EIF2B1: variants seen among roughly 807,000 people sequenced by gnomAD.
EIF2B1 encodes eukaryotic translation initiation factor 2B subunit alpha.
A neutral mutation model predicts 36.8 loss-of-function variants in EIF2B1; 30 were observed. The observed-to-expected ratio is 0.81, with a 90% confidence interval of 0.61 to 1.10. The LOEUF is 1.10. EIF2B1 is among the 50% of genes least tolerant of loss of function. The pLI is 0.00. For synonymous variants in EIF2B1, 139 were observed against 142.2 expected (o/e 0.98, Z 0.16); for missense variants, 271 against 374.8 (o/e 0.72, Z 2.29).
At chr12:123,626,601 T>TA (rs1955150703) in intron 5 of EIF2B1, 108 bp from the exon 6 acceptor site, 1 of 1,256,034 alleles carries the variant, frequency 8.0e-7, no homozygotes, top group East Asian at 2.4e-5. Flanking sequence ...ACATTAATAC[T>TA]AATGGGTTAA....
chr12:123,624,171 A>G (rs1273176073), intron 7 of EIF2B1, among the ~76,000 whole-genome samples: 2 of 150,772 alleles, frequency 1.3e-5, no homozygotes, highest in Non-Finnish European at 3.0e-5. Flanking sequence ...TGCATAAATA[A>G]AACATACATA....
chr12:123,633,427 C>G, intron 1 of EIF2B1, 118 bp downstream of exon 1: 1 of 1,474,438 alleles, frequency 6.8e-7, no homozygotes, highest in Admixed American at 1.7e-5. Flanking sequence ...ACACAACCAG[C>G]GGAGCAGCCT....
intron 4 of EIF2B1, 36 bp from the exon 5 acceptor site, chr12:123,627,192 T>C: frequency 2.0e-6 from 3 of 1,521,454 alleles, no homozygotes; most frequent in Non-Finnish European, 2.7e-6. Flanking sequence ...AGGGGCAGGC[T>C]CCTTGCTGCT....
At chr12:123,624,144 ATGTG>A in intron 7 of EIF2B1, among the ~76,000 whole-genome samples, 2 of 149,648 alleles carry the variant, frequency 1.3e-5, no homozygotes, top group South Asian at 4.2e-4. Flanking sequence ...TATATATATT[ATGTG>A]TGTGTATATA....
chr12:123,632,688 T>C (rs1212913453), intron 1 of EIF2B1, among the ~76,000 whole-genome samples: 2 of 152,166 alleles, frequency 1.3e-5, no homozygotes, highest in Non-Finnish European at 2.9e-5. Context: ...GGCTCACGCC[T>C]GTAATCCCAG....
intron 7 of EIF2B1, among the ~76,000 whole-genome samples, chr12:123,623,401 T>A (rs1379362703): frequency 2.0e-5 from 3 of 151,972 alleles, no homozygotes; most frequent in Non-Finnish European, 4.4e-5. Flanking sequence ...AATAAAAAAA[T>A]TTAAAAAAAC....
intron 4 of EIF2B1, among the ~76,000 whole-genome samples, chr12:123,629,201 G>A (rs1955170192): frequency 6.6e-6 from 1 of 152,152 alleles, no homozygotes; most frequent in African/African-American, 2.4e-5. Flanking sequence ...GGGAGGCCTA[G>A]GTGGCAAAAG....
At chr12:123,624,927 C>T (rs1201796849) in intron 6 of EIF2B1, 65 bp from the exon 7 acceptor site, 2 of 1,408,844 alleles carry the variant, frequency 1.4e-6, no homozygotes, top group African/African-American at 2.8e-5. Context: ...TCATCATCTG[C>T]AAAGATCAAT....
In EIF2B1 at chr12:123,622,618, A is replaced by G. The variant is rs747568141; in HGVS notation, c.753+18T>C. On this transcript the variant is annotated intron_variant, in intron 8 of 8. Transcript: ENST00000424014. ...CTGTTTAGACTTTAGTACCCCTTCA[A>G]ATATGTAAAACTCTTGCCTTAAACT... The G allele has an allele frequency of 3.7e-6, 6 of 1,613,878 alleles. No individual in the cohort carries two copies. In the East Asian group the frequency reaches 1.3e-4, roughly 36 times the overall value.
intron 2 of EIF2B1, among the ~76,000 whole-genome samples, chr12:123,631,806 C>CAA (rs36090968): frequency 1.6e-5 from 2 of 128,294 alleles, no homozygotes; most frequent in East Asian, 2.6e-4. Context: ...GACTCCGTCT[C>CAA]AAAAAAAAAA....
chr12:123,622,663 G>C lies in EIF2B1; in HGVS notation c.726C>G (p.Asn242Lys), dbSNP rs765271243. Residue 242 changes from asparagine to lysine, a missense_variant, in exon 8 of 9, where the codon AAC becomes AAG. By Grantham distance (94) the Asn-to-Lys change is moderately conservative. Coordinates refer to ENST00000424014, the MANE Select transcript of EIF2B1 (RefSeq NM_001414.4). The part of the protein sequence containing the change: ...SFKFVRLFPL[N>K]QQDVPDKFKY... ...TAAACTTATCTGGGACGTCTTGCTG[G>C]TTTAGTGGAAAGAGCCGGACAAACT... The C allele has an allele frequency of 3.1e-6, 5 of 1,614,160 alleles. No homozygotes were observed. The Admixed American group carries it at 5.0e-5, about 16-fold the overall frequency.
Position 123,630,079 on chromosome 12 carries a change from G to T in EIF2B1, c.369+90C>A. 1 of 1,086,232 alleles carries T rather than the reference G, an allele frequency of 9.2e-7. No homozygotes were observed. The highest frequency in any genetic ancestry group is 1.4e-6 in the Non-Finnish European group (1 of 706,040). 67.3% of individuals were successfully genotyped at this position (1,086,232 alleles called of 1,614,324 possible). ...TAAGTTACTTGTTCAAGTCTCCACA[G>T]CAAGTGAGTGGCAGAGCCCGGATTT... On this transcript the variant is annotated intron_variant, in intron 4 of 8. Transcript: ENST00000424014. The surrounding 1 kb of genome is among the most constrained non-coding windows in gnomAD (Gnocchi z 4.6).
At chr12:123,624,590 A>G (rs1257386757) in intron 7 of EIF2B1, among the ~76,000 whole-genome samples, 197 bp downstream of exon 7, 1 of 152,164 alleles carries the variant, frequency 6.6e-6, no homozygotes, top group South Asian at 2.1e-4. Context: ...ATGTAGATCA[A>G]TCTAAAAAAG....
At chr12:123,626,558 C>G in intron 5 of EIF2B1, 65 bp from the exon 6 acceptor site, 1 of 1,563,784 alleles carries the variant, frequency 6.4e-7, no homozygotes, top group Non-Finnish European at 8.8e-7. Context: ...TGTATGTCAC[C>G]TAATGTGGAC....
Position 123,630,417 on chromosome 12 carries a change from G to T in EIF2B1, c.232C>A (p.Leu78Ile). Residue 78 changes from leucine (L) to isoleucine (I), a missense_variant, in exon 3 of 9, where the codon CTT (leucine) becomes ATT (isoleucine). Physicochemically the swap from Leu to Ile is conservative, Grantham distance 5 (BLOSUM62 2). Transcript: ENST00000424014. This position sits in a 1 kb window ranked among gnomAD's most constrained non-coding sequence, Gnocchi z 4.6. ...CTTACGGAGTATTCCAGGGAGGCAAGACTGATGAAGCGGAGGAAGAGCTCC... is the reference window on the plus strand; with the variant it reads ...CTTACGGAGTATTCCAGGGAGGCAATACTGATGAAGCGGAGGAAGAGCTCC... ...GGELFLRFISLASLEYSDYSK... is the reference protein window; with the variant it reads ...GGELFLRFISIASLEYSDYSK... 6.2e-7 allele frequency: 1 copy of T among 1,614,156 alleles called. No individual in the cohort carries two copies. The highest frequency in any genetic ancestry group is 8.5e-7 in the Non-Finnish European group (1 of 1,180,026).
Position 123,630,189 on chromosome 12 carries a change from T to C in EIF2B1, c.349A>G (p.Thr117Ala), listed in dbSNP as rs1955177628. 1.2e-6 allele frequency: 2 copies of C among 1,613,980 alleles called. No homozygotes were observed. The highest frequency in any genetic ancestry group is 1.7e-6 in the Non-Finnish European group (2 of 1,179,988). The change falls in exon 4 of 9, where the codon ACT becomes GCT. Residue 117 changes from threonine to alanine, a missense_variant. Thr to Ala is a moderately conservative substitution (Grantham distance 58). Coordinates refer to ENST00000424014, the MANE Select transcript of EIF2B1 (RefSeq NM_001414.4). The surrounding 1 kb of genome is among the most constrained non-coding windows in gnomAD (Gnocchi z 4.6). ...SRNKIADLCH[T>A]FIKDGATILT... is the part of the protein sequence containing the mutation. ...CTCACCGCTCCATCTTTGATGAAAG[T>C]ATGGCACAGATCTGCAATTTTGTTT...
At chr12:123,631,190 C>A (rs139525041) in intron 2 of EIF2B1, among the ~76,000 whole-genome samples, 68 of 152,280 alleles carry the variant, frequency 4.5e-4, no homozygotes, top group Non-Finnish European at 7.5e-4. Context: ...ATGGTTAACA[C>A]AATATAACAT....
chr12:123,622,897 CCCATGAGTTTGGGA>C, intron 7 of EIF2B1, 136 bp from the exon 8 acceptor site: 1 of 1,317,012 alleles, frequency 7.6e-7, no homozygotes, highest in Non-Finnish European at 1.1e-6. Flanking sequence ...ATCACCTGAA[CCCATGAGTTTGGGA>C]CCAGCCTAGG....
intron 4 of EIF2B1, among the ~76,000 whole-genome samples, chr12:123,629,595 C>T (rs1955173069): frequency 6.6e-6 from 1 of 152,062 alleles, no homozygotes; most frequent in Non-Finnish European, 1.5e-5. Flanking sequence ...AGATCGAGAC[C>T]ATCCTGGCTA....
Sources: allele counts gnomAD v4.1 joint callset (sites outside exome capture counted in the v4.1 genomes callset), GRCh38; gene constraint gnomAD v4.1.1; non-coding constraint Gnocchi (gnomAD v3.1); transcripts MANE v1.5; gene names NCBI Gene and HGNC (gene_info 2026-07-23, HGNC 2026-07-21).